SLC66A1: variants seen among roughly 807,000 people sequenced by gnomAD.
The protein encoded by SLC66A1 is solute carrier family 66 member 1.
Under a neutral mutation model 33.0 loss-of-function variants are expected in SLC66A1, and 23 were observed. The observed-to-expected ratio is 0.70, with a 90% confidence interval of 0.50 to 0.99. The LOEUF is 0.99. SLC66A1 is among the 50% of genes least tolerant of loss of function. The pLI is 0.00. For synonymous variants in SLC66A1, 164 were observed against 175.5 expected, an observed-to-expected ratio of 0.93 and a Z score of 0.52; for missense variants, 335 against 383.6, an observed-to-expected ratio of 0.87 and a Z score of 1.06.
downstream of SLC66A1, among the ~76,000 whole-genome samples, chr1:19,332,323 T>C (rs4912071): frequency 0.19 from 28,818 of 152,126 alleles, 3,058 homozygotes; most frequent in Non-Finnish European, 0.22. Context: ...CAACACTGTC[T>C]GCCTCAGAAC....
chr1:19,319,094 G>A (rs545998185), intron 2 of SLC66A1, among the ~76,000 whole-genome samples: 3 of 152,368 alleles, frequency 2.0e-5, no homozygotes, highest in African/African-American at 7.2e-5. Flanking sequence ...ATAAAGACAA[G>A]GGTTTGATCA....
At chr1:19,332,880 A>G (rs934075893), downstream of SLC66A1, among the ~76,000 whole-genome samples, 2 of 152,158 alleles carry the variant, frequency 1.3e-5, no homozygotes, top group African/African-American at 4.8e-5. Flanking sequence ...CTTGTCCAGG[A>G]AGGGCTGGCT....
At chr1:19,332,607 A>C (rs2093895538), downstream of SLC66A1, among the ~76,000 whole-genome samples, 1 of 152,180 alleles carries the variant, frequency 6.6e-6, no homozygotes, top group Admixed American at 6.6e-5. Context: ...CCATCTCTAC[A>C]AAAATTTAAA....
chr1:19,317,340 A>T (rs976964537), intron 1 of SLC66A1, among the ~76,000 whole-genome samples: 2 of 152,204 alleles, frequency 1.3e-5, no homozygotes, highest in Non-Finnish European at 2.9e-5. Context: ...TGAATGGGTG[A>T]TGAAGCAGGG....
In SLC66A1 at chr1:19,326,533, C is replaced by T; in HGVS notation, c.528C>T (p.Pro176=). 2 of 1,614,244 alleles carry T rather than the reference C, an allele frequency of 1.2e-6. No individual in the cohort carries two copies. Among genetic ancestry groups the T allele is most frequent in the Non-Finnish European group, 1.7e-6 (2 of 1,180,042 alleles). The stretch of plus-strand genomic sequence containing the variant: ...AAGTGCCCCCTTCTGCCCCACAGCC[C>T]TTCACCCGGCAGGAAGTCATTGGCT... ...ALLSVESGSK[P]FTRQEVIGFV... is the part of the protein sequence containing the mutation. Residue 176 remains proline (P), a splice_region_variant and synonymous_variant, in exon 6 of 8, where the codon CCC becomes CCT. Coordinates refer to ENST00000375153, the MANE Select transcript of SLC66A1 (RefSeq NM_001040125.2).
chr1:19,320,540 A>C (rs993216746), intron 2 of SLC66A1, among the ~76,000 whole-genome samples: 6 of 150,092 alleles, frequency 4.0e-5, no homozygotes, highest in African/African-American at 1.5e-4. Context: ...CAGCCTCCCG[A>C]GTAGCTGGGA....
At chr1:19,331,990 G>A (rs1027073103), downstream of SLC66A1, among the ~76,000 whole-genome samples, 6 of 152,202 alleles carry the variant, frequency 3.9e-5, no homozygotes, top group African/African-American at 1.4e-4. Flanking sequence ...CTCCCCCTGG[G>A]GAGTGCCCTG....
chr1:19,315,157 C>T (rs2093798506), intron 1 of SLC66A1, among the ~76,000 whole-genome samples: 1 of 152,226 alleles, frequency 6.6e-6, no homozygotes, highest in Admixed American at 6.5e-5. Flanking sequence ...GATCCAACTG[C>T]CTTGGCCTCC....
chr1:19,325,642 G>GTT, intron 4 of SLC66A1, 60 bp downstream of exon 4: 1 of 1,301,290 alleles, frequency 7.7e-7, no homozygotes, highest in Admixed American at 1.9e-5. Flanking sequence ...CAGTTGTGGG[G>GTT]GGGGGCGCCT....
At chr1:19,330,956 C>T (rs980818934), downstream of SLC66A1, among the ~76,000 whole-genome samples, 9 of 152,156 alleles carry the variant, frequency 5.9e-5, no homozygotes, top group South Asian at 2.1e-4. Context: ...CGGGCTGCGC[C>T]GCCTGCCATC....
At position 19,319,605 on chromosome 1, in the gene SLC66A1, G is replaced by GTTTTTTTTTTGTTTTTTTTTTTTTTT. The variant is rs56769657; in HGVS notation, c.164+1774_164+1775insGTTTTTTTTTTTTTTTTTTTTTTTTT. On this transcript the variant is annotated intron_variant, in intron 2 of 7. Coordinates refer to ENST00000375153, the MANE Select transcript of SLC66A1 (RefSeq NM_001040125.2). ...GATTAATGTTGCTGTGCACATTCATGTTTTTTTTTTTTTTTTGCCTGGTGC... is the reference window on the plus strand; with the variant it reads ...GATTAATGTTGCTGTGCACATTCATGTTTTTTTTTTGTTTTTTTTTTTTTTTTTTTTTTTTTTTTTTTGCCTGGTGC... Among the ~76,000 whole-genome samples, 301 of 111,804 alleles carry GTTTTTTTTTTGTTTTTTTTTTTTTTT rather than the reference G, an allele frequency of 2.7e-3. 15 individuals carry two copies. Among genetic ancestry groups the GTTTTTTTTTTGTTTTTTTTTTTTTTT allele is most frequent in the African/African-American group, 0.011 (285 of 24,788 alleles). 73.3% of individuals were successfully genotyped at this position (111,804 alleles called of 152,430 possible). A position where few individuals can be genotyped will look rare whatever the true frequency, so the allele number is the denominator to read the frequency against.
In SLC66A1 at chr1:19,328,067, C is replaced by T. The variant is rs150230473; in HGVS notation, c.805-505C>T. On this transcript the variant is annotated intron_variant, in intron 7 of 7. Transcript: ENST00000375153. This position sits in a 1 kb window ranked among gnomAD's most constrained non-coding sequence, Gnocchi z 4.7. ...GTGTAAGATGAGGTATCTGGAAACA[C>T]TCCCCACAGGACCCCGTTTTCAGTG... is the stretch of plus-strand genomic sequence containing the variant. 3.9e-6 allele frequency: 1 copy of T among 254,988 alleles called. No homozygotes were observed. Among genetic ancestry groups the T allele is most frequent in the Non-Finnish European group, 7.8e-6 (1 of 128,604 alleles). 15.8% of individuals were successfully genotyped at this position (254,988 alleles called of 1,614,324 possible). A position where few individuals can be genotyped will look rare whatever the true frequency, so the allele number is the denominator to read the frequency against.
chr1:19,316,869 C>A (rs1304734259), intron 1 of SLC66A1, among the ~76,000 whole-genome samples: 2 of 133,220 alleles, frequency 1.5e-5, no homozygotes. Flanking sequence ...TTCTTTCTTT[C>A]TTTCTTTCTT....
chr1:19,333,042 C>T (rs1409789019), downstream of SLC66A1, among the ~76,000 whole-genome samples: 3 of 152,298 alleles, frequency 2.0e-5, no homozygotes, highest in East Asian at 1.9e-4. The surrounding 1 kb of genome is among the most constrained non-coding windows in gnomAD (Gnocchi z 4.2). Context: ...CACGCTGCTT[C>T]GCTTCCTCAG....
At chr1:19,332,313 C>A (rs636795), downstream of SLC66A1, among the ~76,000 whole-genome samples, 2 of 151,704 alleles carry the variant, frequency 1.3e-5, no homozygotes, top group South Asian at 2.1e-4. Context: ...ATGAGACCAA[C>A]AACACTGTCT....
downstream of SLC66A1, among the ~76,000 whole-genome samples, chr1:19,330,194 G>A (rs534159788): frequency 5.0e-4 from 76 of 152,148 alleles, no homozygotes; most frequent in Non-Finnish European, 8.8e-4. Context: ...GGAGCACAGA[G>A]ACGCCAGCTC....
At chr1:19,321,363 A>G (rs2093836613) in intron 2 of SLC66A1, among the ~76,000 whole-genome samples, 1 of 147,574 alleles carries the variant, frequency 6.8e-6, no homozygotes, top group Non-Finnish European at 1.5e-5. Context: ...TTTTTTTGGT[A>G]GAGACAAGGT....
downstream of SLC66A1, among the ~76,000 whole-genome samples, chr1:19,330,735 G>T (rs2093890073): frequency 6.6e-6 from 1 of 152,202 alleles, no homozygotes; most frequent in African/African-American, 2.4e-5. Context: ...CCAAGGACAA[G>T]GTCCTGGGGC....
downstream of SLC66A1, among the ~76,000 whole-genome samples, chr1:19,332,148 T>A (rs1235718796): frequency 1.3e-5 from 2 of 152,140 alleles, no homozygotes; most frequent in South Asian, 2.1e-4. Context: ...GTGGCCTGGG[T>A]CCCTGGAGCC....
Sources: allele counts gnomAD v4.1 joint callset (sites outside exome capture counted in the v4.1 genomes callset), GRCh38; gene constraint gnomAD v4.1.1; non-coding constraint Gnocchi (gnomAD v3.1); transcripts MANE v1.5; gene names NCBI Gene and HGNC (gene_info 2026-07-23, HGNC 2026-07-21).